The following TMTC2 variants were observed in gnomAD, a reference collection of about 807,000 sequenced individuals.
The protein encoded by TMTC2 is protein O-mannosyl-transferase TMTC2.
A neutral mutation model predicts 82.4 loss-of-function variants in TMTC2; 43 were observed. That is an observed-to-expected ratio of 0.52 (90% CI 0.41 to 0.67). TMTC2 has a LOEUF of 0.67. Among genes scored for constraint, TMTC2 ranks in the 30% least tolerant of loss-of-function variants. The pLI is 0.00. For missense variants in TMTC2, 919 were observed against 1,012.4 expected (o/e 0.91, Z 1.25); for synonymous variants, 408 against 381.9 (o/e 1.07, Z -0.80).
chr12:82,748,259 C>T (rs57686799), intron 1 of TMTC2, among the ~76,000 whole-genome samples: 2,453 of 151,464 alleles, frequency 0.016, 61 homozygotes, highest in African/African-American at 0.056. Flanking sequence ...TGCAGTGAGC[C>T]GAGATCACAC....
At chr12:82,867,402 A>G (rs775478091) in intron 2 of TMTC2, among the ~76,000 whole-genome samples, 36 of 152,260 alleles carry the variant, frequency 2.4e-4, no homozygotes, top group Middle Eastern at 6.8e-3. Flanking sequence ...GTGGTTGTCA[A>G]TTTTGCTTAT....
chr12:82,941,061 T>A (rs1313843502), intron 4 of TMTC2, among the ~76,000 whole-genome samples: 1 of 151,992 alleles, frequency 6.6e-6, no homozygotes, highest in African/African-American at 2.4e-5. Flanking sequence ...AAATACGATA[T>A]AAAGGGAACA....
intron 1 of TMTC2, among the ~76,000 whole-genome samples, chr12:82,776,976 G>T (rs2137003076): frequency 6.6e-6 from 1 of 152,174 alleles, no homozygotes; most frequent in South Asian, 2.1e-4. Context: ...ACCTTAAACT[G>T]CCCTGAAAAA....
chr12:82,938,105 G>T (rs1283480327), intron 4 of TMTC2, among the ~76,000 whole-genome samples: 2 of 151,342 alleles, frequency 1.3e-5, no homozygotes, highest in Non-Finnish European at 2.9e-5. Context: ...GTAGAGACGG[G>T]GTTTCGCCAT....
chr12:83,009,743 T>G (rs1880369033), intron 8 of TMTC2, among the ~76,000 whole-genome samples: 1 of 152,150 alleles, frequency 6.6e-6, no homozygotes, highest in South Asian at 2.1e-4. Flanking sequence ...AATATAACAG[T>G]GGCCCCCATC....
intron 4 of TMTC2, among the ~76,000 whole-genome samples, chr12:82,938,805 T>C (rs1453631918): frequency 6.6e-6 from 1 of 152,176 alleles, no homozygotes; most frequent in East Asian, 1.9e-4. Flanking sequence ...ATTCAAATAA[T>C]AATACTGAAG....
intron 3 of TMTC2, among the ~76,000 whole-genome samples, chr12:82,899,355 T>G (rs1873843650): frequency 6.6e-6 from 1 of 151,786 alleles, no homozygotes; most frequent in Non-Finnish European, 1.5e-5. Context: ...TCTTTTCCCT[T>G]CACAGTTGAC....
chr12:82,970,829 T>C (rs1878418897), intron 7 of TMTC2, among the ~76,000 whole-genome samples: 1 of 152,188 alleles, frequency 6.6e-6, no homozygotes, highest in Non-Finnish European at 1.5e-5. Flanking sequence ...CTCACTTCCC[T>C]TTTTCTCTCA....
At chr12:82,893,498 A>G (rs1873505388) in intron 2 of TMTC2, among the ~76,000 whole-genome samples, 1 of 152,216 alleles carries the variant, frequency 6.6e-6, no homozygotes. Flanking sequence ...CCAACATTTG[A>G]CAAGGATGTT....
At chr12:82,748,082 G>A (rs1036061823) in intron 1 of TMTC2, among the ~76,000 whole-genome samples, 2 of 152,148 alleles carry the variant, frequency 1.3e-5, no homozygotes, top group Non-Finnish European at 2.9e-5. Context: ...AGGCTGAGGC[G>A]GGTGGATCAC....
At chr12:82,961,027 G>A (rs1405673245) in intron 4 of TMTC2, among the ~76,000 whole-genome samples, 1 of 151,754 alleles carries the variant, frequency 6.6e-6, no homozygotes, top group African/African-American at 2.4e-5. Flanking sequence ...CTTCTTACCT[G>A]TTGTTTGACC....
intron 3 of TMTC2, among the ~76,000 whole-genome samples, chr12:82,901,442 C>G (rs1039746954): frequency 4.0e-5 from 6 of 150,762 alleles, no homozygotes; most frequent in Non-Finnish European, 7.4e-5. Flanking sequence ...GTAGCTAGGA[C>G]TACAGGCATG....
Position 82,967,058 on chromosome 12 carries a change from C to T in TMTC2, c.1948+61C>T, listed in dbSNP as rs569419358. On this transcript the variant is annotated intron_variant, in intron 7 of 11. Coordinates refer to ENST00000321196, the MANE Select transcript of TMTC2 (RefSeq NM_152588.3). ...CAGGGACCTGTGGAGAAACAGGAAC[C>T]CATGTTCGTGTTTAATGGAATTCTA... is the stretch of plus-strand genomic sequence containing the variant. The T allele has an allele frequency of 1.4e-5, 18 of 1,288,176 alleles. No individual in the cohort carries two copies. The East Asian group carries it at 3.5e-4, about 25-fold the overall frequency. The allele number at this position is 1,288,176 out of a possible 1,614,324, so 79.8% of individuals were successfully genotyped here.
intron 11 of TMTC2, among the ~76,000 whole-genome samples, chr12:83,117,833 G>T (rs557980754): frequency 1.3e-5 from 2 of 152,012 alleles, no homozygotes; most frequent in Non-Finnish European, 2.9e-5. Flanking sequence ...ATTTCTTTCA[G>T]CAGTGTTTGT....
rs769015867 is a variant in TMTC2 at position 82,687,479 on chromosome 12, T to A, written c.-108T>A. 2.7e-5 allele frequency: 29 copies of A among 1,078,184 alleles called. No homozygotes were observed. Among genetic ancestry groups the A allele is most frequent in the Non-Finnish European group, 3.8e-5 (28 of 734,734 alleles). The allele number at this position is 1,078,184 out of a possible 1,614,324, so 66.8% of individuals were successfully genotyped here. ...GGAGGGTGGGGAAGCGAGGGAAAAG[T>A]GAAGCTGGGAGGAGAAGGCGGCGGA... On this transcript the variant is annotated 5_prime_UTR_variant, in exon 1 of 12. Transcript: ENST00000321196.
chr12:83,125,977 A>G (rs374193068), intron 11 of TMTC2, among the ~76,000 whole-genome samples: 7 of 152,162 alleles, frequency 4.6e-5, no homozygotes, highest in African/African-American at 1.7e-4. Context: ...AAGTATATGT[A>G]GACATATGCA....
intron 1 of TMTC2, among the ~76,000 whole-genome samples, chr12:82,818,930 A>C (rs17041816): frequency 1.6e-3 from 236 of 151,980 alleles, no homozygotes; most frequent in African/African-American, 5.4e-3. Flanking sequence ...GCTTTCTAGC[A>C]CTATTGTGTA....
At chr12:83,047,981 C>G (rs888316690) in intron 9 of TMTC2, among the ~76,000 whole-genome samples, 1 of 152,118 alleles carries the variant, frequency 6.6e-6, no homozygotes, top group Non-Finnish European at 1.5e-5. Context: ...TTAATTGTTA[C>G]ATTTTTCTAA....
chr12:82,771,095 T>C (rs1877281988), intron 1 of TMTC2, among the ~76,000 whole-genome samples: 1 of 151,572 alleles, frequency 6.6e-6, no homozygotes, highest in Admixed American at 6.6e-5. Flanking sequence ...TAATGCCAGC[T>C]ACTCAGGAGG....
Sources: gnomAD v4.1 joint callset for allele counts (sites outside exome capture counted in the v4.1 genomes callset) on GRCh38, gnomAD v4.1.1 for gene constraint, MANE v1.5 for transcripts, NCBI Gene and HGNC (gene_info 2026-07-23, HGNC 2026-07-21) for gene names.